ABI2: variants seen among roughly 807,000 people sequenced by gnomAD.
ABI2 encodes abl interactor 2, also known as abelson interactor 2.
In ABI2, 25 loss-of-function variants were observed where a neutral mutation model predicts 59.2. The observed-to-expected ratio is 0.42, with a 90% CI of 0.31 to 0.59. The LOEUF (loss-of-function observed/expected upper bound fraction) is 0.59, where lower values mean the gene tolerates loss of function less well. ABI2 is among the 20% of genes least tolerant of loss of function. The probability of loss-of-function intolerance (pLI) is 0.14; values close to 1 mark genes in which losing one functional copy is unlikely to be tolerated. For missense variants in ABI2, 545 were observed against 681.8 expected (o/e 0.80, Z 2.23); for synonymous variants, 213 against 235.5 (o/e 0.90, Z 0.87).
intron 8 of ABI2, 36 bp from the exon 9 acceptor site, chr2:203,402,540 T>A: frequency 7.2e-7 from 1 of 1,384,444 alleles, no homozygotes; most frequent in South Asian, 2.0e-5. Context: ...GATAATTTTC[T>A]TTTAATGACA....
Position 203,410,129 on chromosome 2 carries a change from C to A in ABI2, c.1193-1156C>A, listed in dbSNP as rs574276777. Among the ~76,000 whole-genome samples the A allele has an allele frequency of 2.0e-5, 3 of 152,322 alleles. No individual in the cohort carries two copies. In the South Asian group the frequency reaches 6.2e-4, roughly 32 times the overall value. On this transcript the variant is annotated intron_variant, in intron 9 of 11. Coordinates refer to ENST00000261018, the MANE Select transcript of ABI2 (RefSeq NM_001375670.1). ...CAACCCCTGTCAGCTTGGCAGGTTC[C>A]CTTCTTCAAGTCCCTGCTGAGAGGT...
intron 1 of ABI2, among the ~76,000 whole-genome samples, chr2:203,359,953 G>A (rs1279550697): frequency 6.6e-6 from 1 of 152,098 alleles, no homozygotes; most frequent in African/African-American, 2.4e-5. Context: ...TTGGGAGGCT[G>A]AGGCGGGTGG....
chr2:203,405,522 C>A (rs1354198272), intron 9 of ABI2, among the ~76,000 whole-genome samples: 1 of 151,938 alleles, frequency 6.6e-6, no homozygotes, highest in African/African-American at 2.4e-5. Context: ...TGTACTCCAG[C>A]CTGGGCAACA....
At chr2:203,350,195 A>C (rs113825438) in intron 1 of ABI2, among the ~76,000 whole-genome samples, 174 of 152,174 alleles carry the variant, frequency 1.1e-3, no homozygotes, top group Admixed American at 3.2e-3. Flanking sequence ...TCATGCCTCA[A>C]CCTTTTGAGT....
chr2:203,377,767 A>G (rs7593791), intron 2 of ABI2, among the ~76,000 whole-genome samples: 1 of 152,196 alleles, frequency 6.6e-6, no homozygotes, highest in Admixed American at 6.5e-5. Context: ...TTAGGCCAGC[A>G]TGGTGGAACA....
At chr2:203,382,615 A>T (rs974759176) in intron 4 of ABI2, among the ~76,000 whole-genome samples, 2 of 152,280 alleles carry the variant, frequency 1.3e-5, no homozygotes, top group East Asian at 3.8e-4. Context: ...AATGTACTTT[A>T]TTTAACCCTC....
In ABI2 at chr2:203,427,388, TCAGGTCTTCC is replaced by T. The variant is rs752808453; in HGVS notation, c.*40_*49del. Reference sequence around the variant, plus strand: ...GGCTGTGCTTGCCTCACAGGAATAGTCAGGTCTTCCCAGATTATCTGAAGGCCCTGGGGAT... The same window carrying T: ...GGCTGTGCTTGCCTCACAGGAATAGTCAGATTATCTGAAGGCCCTGGGGAT... On this transcript the variant is annotated 3_prime_UTR_variant, in exon 12 of 12. Coordinates refer to ENST00000261018, the MANE Select transcript of ABI2 (RefSeq NM_001375670.1). 1.9e-6 allele frequency: 3 copies of T among 1,578,246 alleles called. No individual in the cohort carries two copies. In the African/African-American group the frequency reaches 4.0e-5, roughly 21 times the overall value.
At chr2:203,361,985 T>C (rs1480107483) in intron 1 of ABI2, among the ~76,000 whole-genome samples, 1 of 152,226 alleles carries the variant, frequency 6.6e-6, no homozygotes, top group Non-Finnish European at 1.5e-5. Flanking sequence ...TAATTTTTTG[T>C]TAGAGGAAAC....
chr2:203,388,814 C>T (rs190797155), intron 4 of ABI2, among the ~76,000 whole-genome samples: 1 of 152,198 alleles, frequency 6.6e-6, no homozygotes, highest in East Asian at 1.9e-4. Context: ...AACAAAAACA[C>T]CTTGCATACC....
chr2:203,363,896 C>G (rs952543792), intron 1 of ABI2, among the ~76,000 whole-genome samples: 1 of 151,934 alleles, frequency 6.6e-6, no homozygotes, highest in Non-Finnish European at 1.5e-5. Context: ...TCCCAAGTAG[C>G]TGGGATTACA....
At chr2:203,388,914 T>C (rs1272776034) in intron 4 of ABI2, among the ~76,000 whole-genome samples, 2 of 152,178 alleles carry the variant, frequency 1.3e-5, no homozygotes, top group Non-Finnish European at 2.9e-5. Flanking sequence ...AAATTCCTGC[T>C]CCTTTTCCTT....
chr2:203,353,969 A>G (rs2090471019), intron 1 of ABI2, among the ~76,000 whole-genome samples: 1 of 152,198 alleles, frequency 6.6e-6, no homozygotes, highest in African/African-American at 2.4e-5. Flanking sequence ...AGCAACTTTT[A>G]GATTTATTCA....
rs1277215831 is a variant in ABI2 at position 203,395,776 on chromosome 2, T to C, written c.846T>C (p.Phe282=). The part of the protein sequence containing the change: ...AVPTPSPPSV[F]PAPAGSAGTP... ...CTACTCCATCTCCTCCCAGTGTCTT[T>C]CCAGGTAAAACATTCATGGTGCCTC... is the stretch of plus-strand genomic sequence containing the variant. The change falls in exon 7 of 12, where the codon TTT becomes TTC. Residue 282 remains phenylalanine (F), a synonymous_variant. Transcript: ENST00000261018. The C allele has an allele frequency of 3.1e-6, 5 of 1,594,558 alleles. No homozygotes were observed. Among genetic ancestry groups the C allele is most frequent in the African/African-American group, 2.7e-5 (2 of 74,128 alleles).
At chr2:203,369,884 A>G (rs768355554) in intron 2 of ABI2, among the ~76,000 whole-genome samples, 1 of 142,210 alleles carries the variant, frequency 7.0e-6, no homozygotes, top group Non-Finnish European at 1.5e-5. Context: ...AAATTTATGT[A>G]TTTTCTAGCA....
At chr2:203,392,309 C>T (rs1157830862) in intron 5 of ABI2, among the ~76,000 whole-genome samples, 3 of 89,210 alleles carry the variant, frequency 3.4e-5, no homozygotes, top group African/African-American at 1.2e-4. Context: ...CCACCACCAC[C>T]ACCACCAACA....
At chr2:203,376,111 T>C in intron 2 of ABI2, 1 of 1,534,362 alleles carries the variant, frequency 6.5e-7, no homozygotes, top group East Asian at 2.4e-5. Flanking sequence ...TTGGAAACAA[T>C]TGCAGTTTGA....
At position 203,402,622 on chromosome 2, in the gene ABI2, T is replaced by A; in HGVS notation, c.1080T>A (p.His360Gln). The A allele has an allele frequency of 6.2e-7, 1 of 1,604,716 alleles. No homozygotes were observed. The highest frequency in any genetic ancestry group is 1.7e-4 in the Middle Eastern group (1 of 6,024). Reference sequence around the variant, plus strand: ...GCATGAATAGGCCTGCCTCTCGCCATACTCCCCCAACAATAGGGGGCTCGT... The same window carrying A: ...GCATGAATAGGCCTGCCTCTCGCCAAACTCCCCCAACAATAGGGGGCTCGT... ...FYSMNRPASRHTPPTIGGSLP... is the reference protein window; with the variant it reads ...FYSMNRPASRQTPPTIGGSLP... The change falls in exon 9 of 12, where the codon CAT becomes CAA. Residue 360 changes from histidine to glutamine, a missense_variant. Transcript: ENST00000261018.
chr2:203,412,240 G>T (rs1043356876), intron 10 of ABI2, among the ~76,000 whole-genome samples: 2 of 152,182 alleles, frequency 1.3e-5, no homozygotes, highest in African/African-American at 4.8e-5. Context: ...GTACTAGAAT[G>T]TAAGCTCTAT....
At chr2:203,403,767 A>G (rs62182776) in intron 9 of ABI2, among the ~76,000 whole-genome samples, 1 of 89,720 alleles carries the variant, frequency 1.1e-5, no homozygotes, top group Non-Finnish European at 2.2e-5. Flanking sequence ...TTTTTTTTAA[A>G]TTGAGATGGA....
Sources: gnomAD v4.1 joint callset for allele counts (sites outside exome capture counted in the v4.1 genomes callset) on GRCh38, gnomAD v4.1.1 for gene constraint, MANE v1.5 for transcripts, NCBI Gene and HGNC (gene_info 2026-07-23, HGNC 2026-07-21) for gene names.